DLGAP2: variants seen among roughly 807,000 people sequenced by gnomAD.
The protein encoded by DLGAP2 is disks large-associated protein 2.
A neutral mutation model predicts 100.3 loss-of-function variants in DLGAP2; 26 were observed. The observed-to-expected ratio is 0.26, with a 90% confidence interval of 0.19 to 0.36. The LOEUF is 0.36. Ranked by LOEUF, DLGAP2 falls within the 10% of genes least tolerant of loss-of-function variation. The pLI is 1.00. For missense variants in DLGAP2, 1,858 were observed against 1,453.2 expected, an observed-to-expected ratio of 1.28 and a Z score of -4.53; for synonymous variants, 886 against 630.1, an observed-to-expected ratio of 1.41 and a Z score of -6.08.
intron 12 of DLGAP2, among the ~76,000 whole-genome samples, chr8:1,682,936 T>C (rs1246340010): frequency 6.6e-6 from 1 of 151,652 alleles, no homozygotes; most frequent in East Asian, 1.9e-4. Context: ...TGTTTTGTCT[T>C]GTTTTTTACC....
intron 2 of DLGAP2, among the ~76,000 whole-genome samples, chr8:1,128,922 A>C (rs1363564201): frequency 6.6e-6 from 1 of 152,214 alleles, no homozygotes; most frequent in African/African-American, 2.4e-5. Flanking sequence ...CAGAAGCTCC[A>C]TGAGGCAGGG....
At chr8:1,138,053 C>T (rs77021583) in intron 2 of DLGAP2, among the ~76,000 whole-genome samples, 3 of 152,192 alleles carry the variant, frequency 2.0e-5, no homozygotes, top group Admixed American at 2.0e-4. Flanking sequence ...TCGATGGAAG[C>T]TTTTCACATC....
chr8:1,083,656 G>T (rs1380860335), intron 2 of DLGAP2, among the ~76,000 whole-genome samples: 1 of 152,178 alleles, frequency 6.6e-6, no homozygotes, highest in Non-Finnish European at 1.5e-5. Context: ...CTGAGCTGGG[G>T]CAATTAGGTG....
At chr8:1,096,723 G>C (rs2701960) in intron 2 of DLGAP2, among the ~76,000 whole-genome samples, 39,580 of 99,104 alleles carry the variant, frequency 0.4, 8,669 homozygotes, top group African/African-American at 0.69. Context: ...GTGAGACCCA[G>C]CTCCCTGCGC....
chr8:1,391,104 A>G (rs1585328308), intron 3 of DLGAP2, among the ~76,000 whole-genome samples: 1 of 152,334 alleles, frequency 6.6e-6, no homozygotes, highest in East Asian at 1.9e-4. Flanking sequence ...AGACGTTCCA[A>G]GAGTAGGAAG....
chr8:856,816 A>G (rs1290821200), intron 1 of DLGAP2, among the ~76,000 whole-genome samples: 1 of 152,234 alleles, frequency 6.6e-6, no homozygotes, highest in East Asian at 1.9e-4. Context: ...TGTTCTATAC[A>G]TTCAGCGCAG....
chr8:1,497,722 C>T (rs548698702), intron 3 of DLGAP2, among the ~76,000 whole-genome samples: 4 of 152,294 alleles, frequency 2.6e-5, no homozygotes, highest in South Asian at 4.1e-4. Context: ...GGGTTCTGAA[C>T]TGGGGGTGGG....
rs561585494 is a variant in DLGAP2 at position 1,702,198 on chromosome 8, C to A, written c.*792C>A. On this transcript the variant is annotated 3_prime_UTR_variant, in exon 15 of 15. Coordinates refer to ENST00000637795, the MANE Select transcript of DLGAP2 (RefSeq NM_001346810.2). The stretch of plus-strand genomic sequence containing the variant: ...GGGAGCTTAAAAGGAAAACAATGTC[C>A]TTACTTGTAAACAGTTATTGTATTT... 6.6e-5 allele frequency: 10 copies of A among 152,062 alleles called. No homozygotes were observed. The South Asian group carries it at 1.2e-3, about 19-fold the overall frequency. 9.4% of individuals were successfully genotyped at this position (152,062 alleles called of 1,614,324 possible).
intron 2 of DLGAP2, among the ~76,000 whole-genome samples, chr8:1,117,493 T>C (rs994902254): frequency 6.6e-6 from 1 of 151,772 alleles, no homozygotes; most frequent in African/African-American, 2.4e-5. Context: ...GAGGGTGGGG[T>C]GGACGCTGTG....
In DLGAP2 at chr8:1,147,538, C is replaced by CT. The variant is rs66900715; in HGVS notation, c.74-111298dup. On this transcript the variant is annotated intron_variant, in intron 2 of 14. Transcript: ENST00000637795. Reference sequence around the variant, plus strand: ...GATTATGTAATTTTTATACCTTCTTCTTTTTTTTTTTTTTTAAAGACAGAG... The same window carrying CT: ...GATTATGTAATTTTTATACCTTCTTCTTTTTTTTTTTTTTTTAAAGACAGAG... 2.4e-3 allele frequency among the ~76,000 whole-genome samples: 351 copies of CT among 144,368 alleles called. 3 individuals are homozygous for CT. Among genetic ancestry groups the CT allele is most frequent in the Middle Eastern group, 7.2e-3 (2 of 278 alleles). 94.7% of individuals were successfully genotyped at this position (144,368 alleles called of 152,430 possible).
chr8:1,658,000 C>G (rs573537461), intron 8 of DLGAP2, among the ~76,000 whole-genome samples: 8 of 152,052 alleles, frequency 5.3e-5, no homozygotes, highest in Middle Eastern at 3.2e-3. Flanking sequence ...GAAAGTCTCC[C>G]GTTTGCAGCA....
intron 3 of DLGAP2, among the ~76,000 whole-genome samples, chr8:1,431,252 T>C (rs549582218): frequency 3.3e-4 from 51 of 152,350 alleles, no homozygotes; most frequent in African/African-American, 1.2e-3. Flanking sequence ...ATTAGAATCA[T>C]TATGTGTAAG....
At chr8:942,456 C>T (rs1466959865) in intron 2 of DLGAP2, among the ~76,000 whole-genome samples, 1 of 152,358 alleles carries the variant, frequency 6.6e-6, no homozygotes, top group East Asian at 1.9e-4. Flanking sequence ...ACTTTTCCCA[C>T]TCACATCATC....
chr8:808,502 C>T (rs753401243), intron 1 of DLGAP2, among the ~76,000 whole-genome samples: 7 of 152,196 alleles, frequency 4.6e-5, no homozygotes, highest in Non-Finnish European at 7.3e-5. Context: ...CAGGGAGGAC[C>T]AGCAGTGGGA....
At chr8:1,281,659 C>T (rs932801790) in intron 3 of DLGAP2, among the ~76,000 whole-genome samples, 2 of 152,106 alleles carry the variant, frequency 1.3e-5, no homozygotes, top group Non-Finnish European at 2.9e-5. Flanking sequence ...AGTACAGCAC[C>T]AGTGTTTTTC....
chr8:1,273,344 G>A (rs1799619954), intron 3 of DLGAP2, among the ~76,000 whole-genome samples: 1 of 152,192 alleles, frequency 6.6e-6, no homozygotes, highest in Non-Finnish European at 1.5e-5. Context: ...GTTGCCAGCT[G>A]AGCATTTGCT....
intron 4 of DLGAP2, among the ~76,000 whole-genome samples, chr8:1,523,972 G>A (rs1052268163): frequency 1.1e-4 from 16 of 152,322 alleles, no homozygotes; most frequent in Admixed American, 3.3e-4. Context: ...TCCAGAATTC[G>A]TTTGGAGACT....
intron 2 of DLGAP2, among the ~76,000 whole-genome samples, chr8:1,067,456 G>A (rs946506976): frequency 1.3e-5 from 2 of 152,188 alleles, no homozygotes; most frequent in African/African-American, 4.8e-5. Flanking sequence ...CTTCCTGGGA[G>A]GGGGCCACGC....
chr8:1,377,471 G>T (rs905053299), intron 3 of DLGAP2, among the ~76,000 whole-genome samples: 12 of 152,376 alleles, frequency 7.9e-5, no homozygotes, highest in African/African-American at 2.9e-4. Context: ...GTGAACCTGG[G>T]AGGCGGAGCT....
Sources: gnomAD v4.1 joint callset for allele counts (sites outside exome capture counted in the v4.1 genomes callset) on GRCh38, gnomAD v4.1.1 for gene constraint, MANE v1.5 for transcripts, NCBI Gene and HGNC (gene_info 2026-07-23, HGNC 2026-07-21) for gene names.